The following NEGR1 variants were observed in gnomAD, a reference collection of about 807,000 sequenced individuals.
NEGR1 encodes the protein neuronal growth regulator 1.
Under a neutral mutation model 40.9 loss-of-function variants are expected in NEGR1, and 10 were observed. That is an observed-to-expected ratio of 0.24 (90% CI 0.15 to 0.42). The LOEUF (loss-of-function observed/expected upper bound fraction) is 0.42. Among genes scored for constraint, NEGR1 ranks in the 10% least tolerant of loss-of-function variants. The pLI is 1.00. For synonymous variants in NEGR1, 185 were observed against 166.8 expected (o/e 1.11, Z -0.84); for missense variants, 352 against 438.9 (o/e 0.80, Z 1.77).
At position 71,406,920 on chromosome 1, in the gene NEGR1, T is replaced by G. The variant is rs1428370531; in HGVS notation, c.*526A>C. The G allele has an allele frequency of 6.6e-6, 1 of 152,500 alleles. No homozygotes were observed. 9.4% of individuals were successfully genotyped at this position (152,500 alleles called of 1,614,324 possible). On this transcript the variant is annotated 3_prime_UTR_variant, in exon 7 of 7. Coordinates refer to ENST00000357731, the MANE Select transcript of NEGR1 (RefSeq NM_173808.3). ...GCTCATTCCTGAAACCTGAATATCATGCGAGCAGAAAAATCTAGATATGTG... is the reference window on the plus strand; with the variant it reads ...GCTCATTCCTGAAACCTGAATATCAGGCGAGCAGAAAAATCTAGATATGTG...
At chr1:72,230,951 A>G (rs1009517609) in intron 1 of NEGR1, among the ~76,000 whole-genome samples, 1 of 152,154 alleles carries the variant, frequency 6.6e-6, no homozygotes, top group African/African-American at 2.4e-5. Context: ...TCTAACAATC[A>G]TCAGTATTTC....
chr1:72,127,000 C>T (rs1223886841), intron 1 of NEGR1, among the ~76,000 whole-genome samples: 1 of 152,230 alleles, frequency 6.6e-6, no homozygotes, highest in African/African-American at 2.4e-5. Flanking sequence ...CTATCTGTCT[C>T]TCCTCCAAGG....
intron 1 of NEGR1, among the ~76,000 whole-genome samples, chr1:72,085,319 T>A (rs937296754): frequency 6.6e-6 from 1 of 152,208 alleles, no homozygotes; most frequent in Non-Finnish European, 1.5e-5. Flanking sequence ...CTGCAATATT[T>A]GTAGTACTAG....
chr1:72,019,899 G>A (rs778751973), intron 1 of NEGR1, among the ~76,000 whole-genome samples: 6 of 152,218 alleles, frequency 3.9e-5, no homozygotes, highest in African/African-American at 1.4e-4. Context: ...TTTATGGAGC[G>A]CTTATGTGGC....
In NEGR1 at chr1:72,200,163, T is replaced by C. The variant is rs151214878; in HGVS notation, c.176+82156A>G. On this transcript the variant is annotated intron_variant, in intron 1 of 6. Coordinates refer to ENST00000357731, the MANE Select transcript of NEGR1 (RefSeq NM_173808.3). ...CTATAATTTGACCTAGCAATCCTAC[T>C]ATTGGGTATTTATGCAAAGGAAAAT... Among the ~76,000 whole-genome samples, 48 of 152,086 alleles carry C rather than the reference T, an allele frequency of 3.2e-4. No individual in the cohort carries two copies. In the East Asian group the frequency reaches 8.3e-3, roughly 26 times the overall value.
At chr1:72,055,471 C>A (rs1366561373) in intron 1 of NEGR1, among the ~76,000 whole-genome samples, 3 of 151,048 alleles carry the variant, frequency 2.0e-5, no homozygotes, top group Non-Finnish European at 3.0e-5. Context: ...TTTCCTTTGA[C>A]CTTTTGGAGA....
At chr1:72,235,751 G>A (rs963803861) in intron 1 of NEGR1, among the ~76,000 whole-genome samples, 1 of 151,946 alleles carries the variant, frequency 6.6e-6, no homozygotes, top group African/African-American at 2.4e-5. Flanking sequence ...GTCTTGTGCA[G>A]GAAGTAACAT....
chr1:72,015,268 A>G (rs1227247073), intron 1 of NEGR1, among the ~76,000 whole-genome samples: 1 of 152,160 alleles, frequency 6.6e-6, no homozygotes, highest in Non-Finnish European at 1.5e-5. Context: ...ATAAGCATAA[A>G]TGAAATTGGT....
At chr1:72,084,620 C>T (rs72680890) in intron 1 of NEGR1, among the ~76,000 whole-genome samples, 14,282 of 151,966 alleles carry the variant, frequency 0.094, 795 homozygotes, top group East Asian at 0.28. Context: ...CTTTTACTGC[C>T]TGGAACATGA....
rs114444297 is a variant in NEGR1 at position 71,663,995 on chromosome 1, C to T, written c.667+34013G>A. On this transcript the variant is annotated intron_variant, in intron 4 of 6. Coordinates refer to ENST00000357731, the MANE Select transcript of NEGR1 (RefSeq NM_173808.3). Reference sequence around the variant, plus strand: ...AATGCATGAAGGTAAAATTTCCATACGTGCTGGGATCCTTAAATGTCAAAA... The same window carrying T: ...AATGCATGAAGGTAAAATTTCCATATGTGCTGGGATCCTTAAATGTCAAAA... Among the ~76,000 whole-genome samples the T allele has an allele frequency of 4.3e-3, 654 of 152,248 alleles. 4 individuals carry two copies. The highest frequency in any genetic ancestry group is 0.015 in the African/African-American group (619 of 41,548).
intron 6 of NEGR1, among the ~76,000 whole-genome samples, chr1:71,545,584 T>C (rs1246490865): frequency 6.6e-6 from 1 of 151,754 alleles, no homozygotes; most frequent in East Asian, 2.0e-4. Context: ...TGAGACATAT[T>C]CTTAACTCTT....
At chr1:71,671,658 C>A (rs1365146732) in intron 4 of NEGR1, among the ~76,000 whole-genome samples, 1 of 152,088 alleles carries the variant, frequency 6.6e-6, no homozygotes, top group African/African-American at 2.4e-5. Flanking sequence ...ATCACATTGC[C>A]ATTACAGTGT....
At chr1:71,900,641 AG>A (rs1188529643) in intron 2 of NEGR1, among the ~76,000 whole-genome samples, 10 of 152,196 alleles carry the variant, frequency 6.6e-5, no homozygotes, top group African/African-American at 2.2e-4. Context: ...CAATTAACGT[AG>A]GAAAATAATG....
chr1:71,864,879 T>C (rs532511371), intron 2 of NEGR1, among the ~76,000 whole-genome samples: 23 of 152,316 alleles, frequency 1.5e-4, no homozygotes, highest in African/African-American at 5.1e-4. Context: ...ATACAGCAAG[T>C]TGAATATCAT....
intron 5 of NEGR1, among the ~76,000 whole-genome samples, chr1:71,603,716 G>A (rs1443125121): frequency 1.3e-5 from 2 of 152,006 alleles, no homozygotes; most frequent in African/African-American, 4.8e-5. Flanking sequence ...TGACTAGTTG[G>A]AGTGTGAGAA....
chr1:72,190,185 C>T (rs1652768978), intron 1 of NEGR1, among the ~76,000 whole-genome samples: 1 of 151,526 alleles, frequency 6.6e-6, no homozygotes, highest in African/African-American at 2.4e-5. Flanking sequence ...CAGAATACAT[C>T]CATCCATACA....
intron 6 of NEGR1, among the ~76,000 whole-genome samples, chr1:71,452,436 C>T (rs12131309): frequency 0.45 from 68,446 of 152,022 alleles, 16,034 homozygotes; most frequent in Non-Finnish European, 0.52. Flanking sequence ...GTTCTAGATA[C>T]AGCAGGGGCT....
At chr1:72,111,086 ACAC>A (rs2100267999) in intron 1 of NEGR1, among the ~76,000 whole-genome samples, 1 of 5,596 alleles carries the variant, frequency 1.8e-4, no homozygotes, top group African/African-American at 2.6e-4. Flanking sequence ...ATATATATAT[ACAC>A]ACACACACAC....
chr1:72,036,756 T>A (rs1180711815), intron 1 of NEGR1, among the ~76,000 whole-genome samples: 6 of 151,912 alleles, frequency 3.9e-5, no homozygotes, highest in African/African-American at 1.5e-4. Context: ...TTTTTACTGA[T>A]CTTTAACTTT....
Sources: allele counts gnomAD v4.1 joint callset (sites outside exome capture counted in the v4.1 genomes callset), GRCh38; gene constraint gnomAD v4.1.1; transcripts MANE v1.5; gene names NCBI Gene and HGNC (gene_info 2026-07-23, HGNC 2026-07-21).